The following PACRG variants were observed in gnomAD, a reference collection of about 807,000 sequenced individuals.
PACRG encodes the protein parkin coregulated, also known as parkin coregulated gene protein.
In PACRG, 29 loss-of-function variants were observed where a neutral mutation model predicts 29.7. That is an observed-to-expected ratio of 0.98 (90% confidence interval 0.73 to 1.33). The LOEUF (loss-of-function observed/expected upper bound fraction) is 1.33. PACRG is among the 40% of genes most tolerant of loss of function. The pLI, the probability that PACRG is intolerant of heterozygous loss-of-function variation, is 0.00. For synonymous variants in PACRG, 116 were observed against 118.7 expected, an observed-to-expected ratio of 0.98 and a Z score of 0.15; for missense variants, 279 against 316.2, an observed-to-expected ratio of 0.88 and a Z score of 0.89.
intron 2 of PACRG, among the ~76,000 whole-genome samples, chr6:162,995,600 C>A (rs923658269): frequency 9.9e-5 from 15 of 152,244 alleles, no homozygotes; most frequent in Admixed American, 9.8e-4. Flanking sequence ...TGCTTCGGCT[C>A]GCGCCTGGTG....
intron 3 of PACRG, 133 bp downstream of exon 3, chr6:163,062,454 G>A (rs1585123462): frequency 9.3e-7 from 1 of 1,075,536 alleles, no homozygotes; most frequent in East Asian, 2.7e-5. Flanking sequence ...ATTGACTTAG[G>A]AGGCCAGACA....
At chr6:162,836,567 G>C (rs1789243529) in intron 2 of PACRG, among the ~76,000 whole-genome samples, 1 of 152,112 alleles carries the variant, frequency 6.6e-6, no homozygotes, top group Non-Finnish European at 1.5e-5. Context: ...ACCAAAGAGT[G>C]GAGGTGGAGG....
intron 2 of PACRG, among the ~76,000 whole-genome samples, chr6:162,935,085 T>C (rs1798136992): frequency 6.6e-6 from 1 of 152,180 alleles, no homozygotes; most frequent in Admixed American, 6.5e-5. Context: ...TGTATGTGAT[T>C]GGATGCTTTT....
chr6:162,789,153 A>G (rs1333585954), intron 1 of PACRG, among the ~76,000 whole-genome samples: 1 of 152,174 alleles, frequency 6.6e-6, no homozygotes, highest in Non-Finnish European at 1.5e-5. Flanking sequence ...AGATATGTCA[A>G]TTATCTCCAA....
intron 4 of PACRG, among the ~76,000 whole-genome samples, chr6:163,176,085 G>A (rs1329023230): frequency 6.6e-6 from 1 of 152,180 alleles, no homozygotes; most frequent in Non-Finnish European, 1.5e-5. Context: ...AAGAGCAATT[G>A]TAAGATGTCA....
At chr6:163,191,274 C>A (rs949845740) in intron 4 of PACRG, among the ~76,000 whole-genome samples, 1 of 152,178 alleles carries the variant, frequency 6.6e-6, no homozygotes, top group Non-Finnish European at 1.5e-5. Context: ...CCGCCACCCC[C>A]CAAACCTACT....
At chr6:162,868,660 G>C (rs1302325551) in intron 2 of PACRG, among the ~76,000 whole-genome samples, 1 of 152,088 alleles carries the variant, frequency 6.6e-6, no homozygotes, top group Non-Finnish European at 1.5e-5. Flanking sequence ...CCAGAGCACA[G>C]CCTCCTTTCC....
chr6:162,727,696 C>G, upstream of PACRG: 2 of 1,567,330 alleles, frequency 1.3e-6, no homozygotes, highest in South Asian at 1.2e-5. Flanking sequence ...CGGCTGCGGG[C>G]CAGGAACAGG....
chr6:162,844,331 G>T (rs550122985), intron 2 of PACRG, among the ~76,000 whole-genome samples: 3 of 152,160 alleles, frequency 2.0e-5, no homozygotes, highest in Admixed American at 6.5e-5. Flanking sequence ...TCCGAAAAGC[G>T]CAATATTCGG....
intron 4 of PACRG, among the ~76,000 whole-genome samples, chr6:163,314,063 T>C (rs1215564285): frequency 1.3e-5 from 2 of 152,154 alleles, no homozygotes; most frequent in African/African-American, 2.4e-5. Context: ...CATAGGTTCC[T>C]GGCCTTTGAA....
intron 2 of PACRG, among the ~76,000 whole-genome samples, chr6:162,976,829 C>T (rs927986805): frequency 5.9e-5 from 9 of 151,718 alleles, no homozygotes; most frequent in African/African-American, 1.7e-4. Flanking sequence ...ACAACAAAAT[C>T]AAGATATTCT....
intron 4 of PACRG, among the ~76,000 whole-genome samples, chr6:163,270,970 A>C (rs1436264122): frequency 6.6e-6 from 1 of 152,144 alleles, no homozygotes; most frequent in Non-Finnish European, 1.5e-5. Context: ...GACTCACATG[A>C]TTACAAGGTG....
chr6:163,198,043 C>T (rs934433794), intron 4 of PACRG, among the ~76,000 whole-genome samples: 1 of 152,184 alleles, frequency 6.6e-6, no homozygotes, highest in Non-Finnish European at 1.5e-5. Flanking sequence ...CTGTGAGCCC[C>T]AGGTCCCCGC....
intron 4 of PACRG, among the ~76,000 whole-genome samples, chr6:163,091,643 G>A (rs1233378772): frequency 6.6e-6 from 1 of 152,022 alleles, no homozygotes; most frequent in Non-Finnish European, 1.5e-5. Context: ...ATTTTCAGAG[G>A]GTCCTATTAC....
intron 3 of PACRG, among the ~76,000 whole-genome samples, chr6:163,072,608 G>A (rs564830232): frequency 1.3e-4 from 20 of 152,030 alleles, no homozygotes; most frequent in Non-Finnish European, 2.5e-4. Flanking sequence ...TCTTAGCTAG[G>A]GCAATCAGAC....
chr6:163,028,743 A>C (rs1276453502), intron 2 of PACRG, among the ~76,000 whole-genome samples: 1 of 152,214 alleles, frequency 6.6e-6, no homozygotes, highest in Non-Finnish European at 1.5e-5. Context: ...TGTGCAGGCT[A>C]ATCTCAATGA....
chr6:163,135,318 A>C (rs1816890186), intron 4 of PACRG, among the ~76,000 whole-genome samples: 1 of 151,866 alleles, frequency 6.6e-6, no homozygotes, highest in Non-Finnish European at 1.5e-5. Flanking sequence ...CCTCCCAAGT[A>C]GCTGGGACTA....
intron 2 of PACRG, among the ~76,000 whole-genome samples, chr6:162,878,699 A>C (rs1793579335): frequency 6.6e-6 from 1 of 152,198 alleles, no homozygotes; most frequent in South Asian, 2.1e-4. Context: ...TAGGCCTTTG[A>C]GTTTGGAAAT....
At chr6:162,979,528 A>G (rs921367659) in intron 2 of PACRG, among the ~76,000 whole-genome samples, 1 of 152,096 alleles carries the variant, frequency 6.6e-6, no homozygotes, top group African/African-American at 2.4e-5. Context: ...TTTCAGTTCA[A>G]TGTAATCTCA....
Sources: allele counts gnomAD v4.1 joint callset (sites outside exome capture counted in the v4.1 genomes callset), GRCh38; gene constraint gnomAD v4.1.1; transcripts MANE v1.5; gene names NCBI Gene and HGNC (gene_info 2026-07-23, HGNC 2026-07-21).